VRTN: variants seen among roughly 807,000 people sequenced by gnomAD.
VRTN encodes the protein vertnin.
A neutral mutation model predicts 18.2 loss-of-function variants in VRTN; 5 were observed. The observed-to-expected ratio is 0.27, with a 90% CI of 0.14 to 0.58. The LOEUF is 0.58. Among genes scored for constraint, VRTN ranks in the 20% least tolerant of loss-of-function variants. VRTN has a pLI of 0.91. For synonymous variants in VRTN, 381 were observed against 393.7 expected (o/e 0.97, Z 0.38); for missense variants, 741 against 939.4 (o/e 0.79, Z 2.76).
chr14:74,334,523 C>A (rs2085550887), intron 1 of VRTN, among the ~76,000 whole-genome samples: 1 of 152,016 alleles, frequency 6.6e-6, no homozygotes, highest in Non-Finnish European at 1.5e-5. Context: ...GAGCAAGACT[C>A]CATGTCAAAC....
intron 2 of VRTN, among the ~76,000 whole-genome samples, chr14:74,342,441 G>A (rs2085611487): frequency 6.6e-6 from 1 of 152,050 alleles, no homozygotes; most frequent in Non-Finnish European, 1.5e-5. Flanking sequence ...ATGTAAATAT[G>A]TGTATATATG....
chr14:74,310,486 C>T (rs979874245), intron 1 of VRTN, among the ~76,000 whole-genome samples: 1 of 150,678 alleles, frequency 6.6e-6, no homozygotes, highest in Non-Finnish European at 1.5e-5. Flanking sequence ...TTCAAATCCC[C>T]ACTCTATCAC....
At chr14:74,311,296 G>A (rs2085387147) in intron 1 of VRTN, among the ~76,000 whole-genome samples, 1 of 152,110 alleles carries the variant, frequency 6.6e-6, no homozygotes, top group African/African-American at 2.4e-5. Flanking sequence ...CAGCTTCTTA[G>A]GAATCTTTCC....
rs145137064 is a variant in VRTN, at chr14:74,353,203, C to T, written c.-1-3580C>T. ...ACTCTGGAGGTTGAGGCAGGAGAAT[C>T]GCTTGAACCCTGGGGGCGGAGGTTG... On this transcript the variant is annotated intron_variant, in intron 1 of 1. Transcript: ENST00000256362. Among the ~76,000 whole-genome samples the T allele has an allele frequency of 3.9e-5, 6 of 152,138 alleles. 1 individual carries two copies. The East Asian group carries it at 9.6e-4, about 24-fold the overall frequency.
intron 2 of VRTN, among the ~76,000 whole-genome samples, chr14:74,343,100 C>T (rs986605656): frequency 6.6e-6 from 1 of 152,052 alleles, no homozygotes; most frequent in African/African-American, 2.4e-5. Flanking sequence ...AAATTGTACT[C>T]TCATACTGTT....
intron 2 of VRTN, among the ~76,000 whole-genome samples, chr14:74,341,240 C>G (rs999974055): frequency 6.6e-6 from 1 of 152,162 alleles, no homozygotes; most frequent in African/African-American, 2.4e-5. Context: ...ACAGCAACCT[C>G]TCTGGGGTTG....
At chr14:74,315,011 A>G (rs1110476) in intron 1 of VRTN, among the ~76,000 whole-genome samples, 146,902 of 152,282 alleles carry the variant, frequency 0.96, 70,892 homozygotes, top group East Asian at 1. Context: ...GCTGGCTTTG[A>G]AGAAGAAGGG....
upstream of VRTN, among the ~76,000 whole-genome samples, chr14:74,348,239 T>G (rs577142694): frequency 3.3e-5 from 5 of 152,290 alleles, no homozygotes; most frequent in South Asian, 1.0e-3. Context: ...CCCCAAACTC[T>G]TTGGAAATCT....
chr14:74,350,043 C>T (rs1019855062), intron 1 of VRTN, among the ~76,000 whole-genome samples: 1 of 152,148 alleles, frequency 6.6e-6, no homozygotes, highest in Admixed American at 6.5e-5. Context: ...CTTTTTGCAC[C>T]TCCTTCCCTG....
intron 2 of VRTN, among the ~76,000 whole-genome samples, chr14:74,340,455 A>G (rs2085596804): frequency 6.6e-6 from 1 of 151,788 alleles, no homozygotes; most frequent in African/African-American, 2.4e-5. Flanking sequence ...CATATTGGTC[A>G]GGCTGGTCTT....
intron 1 of VRTN, 50 bp from the exon 2 acceptor site, chr14:74,356,733 A>C (rs1375756851): frequency 6.6e-7 from 1 of 1,525,192 alleles, no homozygotes; most frequent in East Asian, 2.3e-5. Context: ...GCTAGTCATC[A>C]TCTGGGCACT....
intron 1 of VRTN, among the ~76,000 whole-genome samples, chr14:74,310,312 A>C (rs996958923): frequency 6.7e-6 from 1 of 150,040 alleles, no homozygotes; most frequent in African/African-American, 2.5e-5. Context: ...CAGGAGACTC[A>C]CTTGAACGTG....
chr14:74,356,737 G>A (rs1040229290), intron 1 of VRTN, 46 bp from the exon 2 acceptor site: 16 of 1,527,744 alleles, frequency 1.0e-5, no homozygotes, highest in South Asian at 7.7e-5. Flanking sequence ...GTCATCATCT[G>A]GGCACTTCGA....
intron 1 of VRTN, among the ~76,000 whole-genome samples, chr14:74,318,347 C>T (rs569794059): frequency 5.9e-5 from 9 of 151,484 alleles, no homozygotes; most frequent in East Asian, 5.9e-4. Context: ...CTCGGCTCAC[C>T]GCAACCTCCG....
chr14:74,318,221 AG>A lies in VRTN; in HGVS notation c.-164+15046del, dbSNP rs576124451. ...CAGGTTCAAGGGATTCTCCTGCCTC[AG>A]CCTCCTGAATAGCTGGGATTACAGG... On this transcript the variant is annotated intron_variant, in intron 1 of 2. Coordinates refer to the VRTN transcript ENST00000557177. 2.9e-3 allele frequency among the ~76,000 whole-genome samples: 441 copies of A among 152,068 alleles called. 4 individuals are homozygous for A. Among genetic ancestry groups the A allele is most frequent in the African/African-American group, 0.01 (416 of 41,490 alleles).
Position 74,331,215 on chromosome 14 carries a change from T to TAAAC in VRTN, c.-163-6505_-163-6504insCAAA, listed in dbSNP as rs1390589761. 1.5e-3 allele frequency among the ~76,000 whole-genome samples: 181 copies of TAAAC among 117,900 alleles called. 1 individual carries two copies. The highest frequency in any genetic ancestry group is 4.3e-3 in the East Asian group (15 of 3,472). 77.3% of individuals were successfully genotyped at this position (117,900 alleles called of 152,430 possible). A position where few individuals can be genotyped will look rare whatever the true frequency, so the allele number is the denominator to read the frequency against. ...AGACTCCGTCTCAAAAATAAATAAA[T>TAAAC]AAATAAACAAACAAACAAACCACAA... On this transcript the variant is annotated intron_variant, in intron 1 of 2. Transcript: ENST00000557177.
At chr14:74,331,156 C>T (rs1483003146) in intron 1 of VRTN, among the ~76,000 whole-genome samples, 4 of 150,722 alleles carry the variant, frequency 2.7e-5, no homozygotes, top group Non-Finnish European at 5.9e-5. Flanking sequence ...GAGCCGAGAT[C>T]GCGCCACTGC....
chr14:74,316,622 A>G (rs1207638807), intron 1 of VRTN, among the ~76,000 whole-genome samples: 3 of 149,916 alleles, frequency 2.0e-5, no homozygotes, highest in East Asian at 4.0e-4. Flanking sequence ...GCAAATGCCC[A>G]AAGGAGGGAT....
In VRTN at chr14:74,358,317, C is replaced by T. The variant is rs773931361; in HGVS notation, c.1534C>T (p.Arg512Cys). 10 of 1,612,796 alleles carry T rather than the reference C, an allele frequency of 6.2e-6. No homozygotes were observed. The highest frequency in any genetic ancestry group is 5.3e-5 in the African/African-American group (4 of 74,938). Residue 512 changes from arginine (R) to cysteine (C), a missense_variant, in exon 2 of 2, where the codon CGC becomes TGC. Arg to Cys is a radical substitution (Grantham distance 180). This residue lies in a region of VRTN where 494 missense variants were observed against 546.5 expected (regional missense o/e 0.90). Transcript: ENST00000256362. This position sits in a 1 kb window ranked among gnomAD's most constrained non-coding sequence, Gnocchi z 5.4. ...MPLSRWQRRL[R>C]RAARRQVLSG... ...CCTGTCCCGTTGGCAGAGGCGTCTG[C>T]GCAGGGCTGCCCGCAGGCAGGTGCT...
Sources: gnomAD v4.1 joint callset for allele counts (sites outside exome capture counted in the v4.1 genomes callset) on GRCh38, gnomAD v4.1.1 for gene constraint, gnomAD v4.1.1 regional missense constraint, Gnocchi (gnomAD v3.1) non-coding constraint, MANE v1.5 for transcripts, NCBI Gene and HGNC (gene_info 2026-07-23, HGNC 2026-07-21) for gene names.